The following RYR2 variants were observed in gnomAD, a reference collection of about 807,000 sequenced individuals.
RYR2 encodes the protein cardiac muscle ryanodine receptor-calcium release channel.
Under a neutral mutation model 601.1 loss-of-function variants are expected in RYR2, and 227 were observed. The ratio of observed to expected loss-of-function variants is 0.38; its 90% CI spans 0.34 to 0.42. The LOEUF (loss-of-function observed/expected upper bound fraction) is 0.42, where lower values mean the gene tolerates loss of function less well. RYR2 is among the 10% of genes least tolerant of loss of function. RYR2 has a pLI of 1.00. For synonymous variants in RYR2, 2,223 were observed against 2,175.1 expected (o/e 1.02, Z -0.61); for missense variants, 4,646 against 6,156.5 (o/e 0.75, Z 8.21).
At chr1:237,786,600 G>A (rs1005231589) in intron 91 of RYR2, among the ~76,000 whole-genome samples, 1 of 152,148 alleles carries the variant, frequency 6.6e-6, no homozygotes, top group African/African-American at 2.4e-5. Context: ...CAACACTCCT[G>A]GGATCAACGC....
chr1:237,627,697 T>G lies in RYR2; in HGVS notation c.6167-110T>G, dbSNP rs74147170. The stretch of plus-strand genomic sequence containing the variant: ...AGAATATCTAGAGCCTTTTCAAGCC[T>G]GGTACAAATAGAAATACCAATTTGG... On this transcript the variant is annotated intron_variant, in intron 40 of 104. Transcript: ENST00000366574. 122 of 1,140,154 alleles carry G rather than the reference T, an allele frequency of 1.1e-4. No homozygotes were observed. The African/African-American group carries it at 1.8e-3, about 17-fold the overall frequency. The allele number at this position is 1,140,154 out of a possible 1,614,324, so 70.6% of individuals were successfully genotyped here. A position where few individuals can be genotyped will look rare whatever the true frequency, so the allele number is the denominator to read the frequency against.
Position 237,173,822 on chromosome 1 carries a change from C to T in RYR2, c.49-96675C>T, listed in dbSNP as rs192760160. ...CTGTAATCCCAGCACTTTGGGAGGCCGAGGCGGGCAGATCACGAGGTCAGG... is the reference window on the plus strand; with the variant it reads ...CTGTAATCCCAGCACTTTGGGAGGCTGAGGCGGGCAGATCACGAGGTCAGG... On this transcript the variant is annotated intron_variant, in intron 1 of 104. Transcript: ENST00000366574. Among the ~76,000 whole-genome samples, 478 of 149,018 alleles carry T rather than the reference C, an allele frequency of 3.2e-3. 1 individual carries two copies. Among genetic ancestry groups the T allele is most frequent in the Non-Finnish European group, 4.9e-3 (330 of 66,700 alleles).
intron 10 of RYR2, among the ~76,000 whole-genome samples, chr1:237,398,731 C>T (rs1703076942): frequency 6.6e-6 from 1 of 152,198 alleles, no homozygotes; most frequent in Non-Finnish European, 1.5e-5. Flanking sequence ...AGCAATAGTA[C>T]TCCTGGGCAT....
chr1:237,245,542 T>G (rs1037942652), intron 1 of RYR2, among the ~76,000 whole-genome samples: 7 of 151,874 alleles, frequency 4.6e-5, no homozygotes, highest in Non-Finnish European at 8.8e-5. Context: ...CAAAAACAAA[T>G]CCTCCCCACA....
intron 11 of RYR2, among the ~76,000 whole-genome samples, chr1:237,421,163 C>T (rs1453965259): frequency 1.3e-5 from 2 of 152,180 alleles, no homozygotes; most frequent in Non-Finnish European, 2.9e-5. Context: ...CGCTTGAACC[C>T]GGGAGGCGGA....
intron 2 of RYR2, among the ~76,000 whole-genome samples, chr1:237,291,606 A>C (rs1233061364): frequency 6.6e-6 from 1 of 152,220 alleles, no homozygotes; most frequent in African/African-American, 2.4e-5. Flanking sequence ...AGTGATAAAA[A>C]GAAATGAGCT....
At chr1:237,451,444 T>C (rs769985008) in intron 14 of RYR2, among the ~76,000 whole-genome samples, 64 of 151,986 alleles carry the variant, frequency 4.2e-4, no homozygotes, top group Non-Finnish European at 6.2e-4. Flanking sequence ...GTGGTGGGCA[T>C]GAGCCTGTAA....
chr1:237,469,018 G>A, intron 16 of RYR2, 74 bp from the exon 17 acceptor site: 1 of 1,174,488 alleles, frequency 8.5e-7, no homozygotes, highest in Non-Finnish European at 1.3e-6. Context: ...AATATTTTAG[G>A]GCTGCATATT....
Position 237,469,120 on chromosome 1 carries a change from C to CTG in RYR2, c.1644_1645dup (p.Ala549ValfsTer11), listed in dbSNP as rs1294114732. 1 of 1,613,276 alleles carries CTG rather than the reference C, an allele frequency of 6.2e-7. No homozygotes were observed. Among genetic ancestry groups the CTG allele is most frequent in the African/African-American group, 1.3e-5 (1 of 74,894 alleles). ...CTCTAATTAGAGGAAATCGTAAAAA[C>CTG]TGTGCTCAATTTTCTGGCTCCCTCG... is the stretch of plus-strand genomic sequence containing the variant. On this transcript the variant is annotated frameshift_variant, in exon 17 of 105. Transcript: ENST00000366574. LOFTEE classifies it high-confidence loss of function.
At chr1:237,352,878 G>C in intron 3 of RYR2, 1 of 514,836 alleles carries the variant, frequency 1.9e-6, no homozygotes, top group Non-Finnish European at 3.9e-6. Context: ...GGGTGGGTGA[G>C]GAGACAACTC....
At chr1:237,515,696 C>CTT (rs1417998892) in intron 24 of RYR2, among the ~76,000 whole-genome samples, 1 of 1,592 alleles carries the variant, frequency 6.3e-4, no homozygotes, top group South Asian at 0.013. Flanking sequence ...TCCTTCCTTC[C>CTT]CTCCCCTCCT....
intron 60 of RYR2, among the ~76,000 whole-genome samples, chr1:237,676,848 TAA>T (rs1388207510): frequency 6.6e-6 from 1 of 152,278 alleles, no homozygotes; most frequent in East Asian, 1.9e-4. Context: ...TTAAATGTAG[TAA>T]AAGACATTTC....
At chr1:237,469,389 C>T (rs1451975734) in intron 17 of RYR2, among the ~76,000 whole-genome samples, 1 of 151,480 alleles carries the variant, frequency 6.6e-6, no homozygotes, top group Non-Finnish European at 1.5e-5. Flanking sequence ...ACTATGGTCA[C>T]TGCACTCCAA....
At chr1:237,249,241 A>G (rs1052794466) in intron 1 of RYR2, among the ~76,000 whole-genome samples, 2 of 152,144 alleles carry the variant, frequency 1.3e-5, no homozygotes, top group African/African-American at 2.4e-5. Flanking sequence ...TACTCATAGT[A>G]AATGCCATTT....
chr1:237,559,615 T>TA (rs1431622370), intron 27 of RYR2, among the ~76,000 whole-genome samples: 2 of 152,174 alleles, frequency 1.3e-5, no homozygotes, highest in Non-Finnish European at 2.9e-5. Context: ...ATACCTAACT[T>TA]AAAGTCTTTG....
In RYR2 at chr1:237,783,715, T is replaced by C; in HGVS notation, c.12003T>C (p.Asp4001=). Residue 4001 remains aspartate (D), a synonymous_variant, in exon 90 of 105, where the codon GAT becomes GAC. Transcript: ENST00000366574. ...GAACGATTGGCAAACAGATGGTGGA[T>C]ATGCTTGTGGAATCTTCCAACAACG... is the stretch of plus-strand genomic sequence containing the variant. ...VNGTIGKQMV[D]MLVESSNNVE... is the part of the protein sequence containing the mutation. 6.2e-7 allele frequency: 1 copy of C among 1,611,014 alleles called. No individual in the cohort carries two copies. The highest frequency in any genetic ancestry group is 1.1e-5 in the South Asian group (1 of 90,616).
intron 7 of RYR2, among the ~76,000 whole-genome samples, chr1:237,376,982 GA>G (rs1701089000): frequency 6.6e-6 from 1 of 152,142 alleles, no homozygotes; most frequent in South Asian, 2.1e-4. Context: ...TTATAGAAAG[GA>G]ATTGGACAGT....
Position 237,445,526 on chromosome 1 carries a change from C to T in RYR2, c.1292+4C>T. On this transcript the variant is annotated splice_donor_region_variant and intron_variant, in intron 14 of 104. Coordinates refer to ENST00000366574, the MANE Select transcript of RYR2 (RefSeq NM_001035.3). The stretch of plus-strand genomic sequence containing the variant: ...TCCTTTTCAATAGATTTATAAGGTA[C>T]TTTTTCTTTTGTAGGCGTAGTTGTT... 6.2e-7 allele frequency: 1 copy of T among 1,613,144 alleles called. No individual in the cohort carries two copies. The highest frequency in any genetic ancestry group is 1.1e-5 in the South Asian group (1 of 91,016).
At chr1:237,201,065 A>G (rs1681139874) in intron 1 of RYR2, among the ~76,000 whole-genome samples, 1 of 152,218 alleles carries the variant, frequency 6.6e-6, no homozygotes, top group African/African-American at 2.4e-5. Context: ...ACAGTTTTGG[A>G]AAGACAGTAA....
Sources: allele counts gnomAD v4.1 joint callset (sites outside exome capture counted in the v4.1 genomes callset), GRCh38; gene constraint gnomAD v4.1.1; transcripts MANE v1.5; gene names NCBI Gene and HGNC (gene_info 2026-07-23, HGNC 2026-07-21).